KCNK7: variants seen among roughly 807,000 people sequenced by gnomAD.
The protein encoded by KCNK7 is potassium two pore domain channel subfamily K member 7.
In KCNK7, 14 loss-of-function variants were observed where a neutral mutation model predicts 18.1. That is an observed-to-expected ratio of 0.77 (90% CI 0.51 to 1.21). The LOEUF (loss-of-function observed/expected upper bound fraction) is 1.21, where lower values mean the gene tolerates loss of function less well. Ranked by LOEUF, KCNK7 falls within the 50% of genes most tolerant of loss-of-function variation. The pLI is 0.00. For synonymous variants in KCNK7, 188 were observed against 184.7 expected, an observed-to-expected ratio of 1.02 and a Z score of -0.15; for missense variants, 385 against 387.3, an observed-to-expected ratio of 0.99 and a Z score of 0.05.
rs764296236 is a variant in KCNK7, at chr11:65,595,474, G to C, written c.299C>G (p.Ala100Gly). Reference protein sequence around the residue: ...WDLPSALLFAASILTTTGYGH... With the variant: ...WDLPSALLFAGSILTTTGYGH... ...CTTACCTGTGGTGGTGAGGATGCTGGCAGCGAAGAGCAGGGCTGAGGGAAG... is the reference window on the plus strand; with the variant it reads ...CTTACCTGTGGTGGTGAGGATGCTGCCAGCGAAGAGCAGGGCTGAGGGAAG... Residue 100 changes from alanine (A) to glycine (G), a missense_variant, in exon 1 of 3, where the codon GCC (alanine) becomes GGC (glycine). By Grantham distance (60) the Ala-to-Gly change is moderately conservative. Coordinates refer to ENST00000340313, the MANE Select transcript of KCNK7 (RefSeq NM_033347.2). 6.9e-7 allele frequency: 1 copy of C among 1,456,764 alleles called. No individual in the cohort carries two copies. The highest frequency in any genetic ancestry group is 2.4e-5 in the East Asian group (1 of 42,400). The allele number at this position is 1,456,764 out of a possible 1,614,324, so 90.2% of individuals were successfully genotyped here. A position where few individuals can be genotyped will look rare whatever the true frequency, so the allele number is the denominator to read the frequency against.
chr11:65,593,398 C>T (rs1565138104), intron 2 of KCNK7, 78 bp downstream of exon 2: 1 of 1,613,822 alleles, frequency 6.2e-7, no homozygotes, highest in Non-Finnish European at 8.5e-7. Flanking sequence ...AAGGCCCAGC[C>T]CCCCAGTGAT....
intron 1 of KCNK7, among the ~76,000 whole-genome samples, chr11:65,594,744 C>G (rs1007281839): frequency 1.3e-5 from 2 of 152,022 alleles, no homozygotes; most frequent in Non-Finnish European, 2.9e-5. Flanking sequence ...GTGGTGCATG[C>G]CTGTAGTCCC....
In KCNK7 at chr11:65,593,164, G is replaced by T. The variant is rs1409316749; in HGVS notation, c.765C>A (p.Thr255=). The change falls in exon 3 of 3, where the codon ACC becomes ACA. Residue 255 remains threonine, a synonymous_variant. Coordinates refer to ENST00000340313, the MANE Select transcript of KCNK7 (RefSeq NM_033347.2). The part of the protein sequence containing the change: ...GLLAMLLAVE[T]FSELPQVRAM... Reference sequence around the variant, plus strand: ...CACGGACCTGCGGCAGCTCAGAGAAGGTCTCCACTGCCAGCAGCATGGCCA... The same window carrying T: ...CACGGACCTGCGGCAGCTCAGAGAATGTCTCCACTGCCAGCAGCATGGCCA... 6.2e-7 allele frequency: 1 copy of T among 1,613,696 alleles called. No homozygotes were observed. Among genetic ancestry groups the T allele is most frequent in the Non-Finnish European group, 8.5e-7 (1 of 1,179,840 alleles).
intron 2 of KCNK7, 113 bp from the exon 3 acceptor site, chr11:65,593,323 C>T: frequency 3.1e-6 from 5 of 1,613,942 alleles, no homozygotes; most frequent in African/African-American, 1.3e-5. Flanking sequence ...CTTCTCAACG[C>T]TGCCACCAGA....
At position 65,595,519 on chromosome 11, in the gene KCNK7, G is replaced by C. The variant is rs1854333675; in HGVS notation, c.254C>G (p.Ser85Ter). 2.6e-6 allele frequency: 4 copies of C among 1,551,450 alleles called. No homozygotes were observed. Among genetic ancestry groups the C allele is most frequent in the Non-Finnish European group, 3.5e-6 (4 of 1,140,564 alleles). The change falls in exon 1 of 3, where the codon TCA (serine) becomes TGA (stop). Residue 85 changes from serine (S) to a stop codon, truncating the protein, a stop_gained. Transcript: ENST00000340313. LOFTEE classifies it high-confidence loss of function. The part of the protein sequence containing the change: ...AHGVSTLGNS[S>*]EGRTWDLPSA... The stretch of plus-strand genomic sequence containing the variant: ...GGGAAGGTCCCAGGTCCTGCCCTCT[G>C]AGCTGTTGCCCAGGGTGGAGACCCC...
chr11:65,593,997 C>T, intron 1 of KCNK7, 123 bp from the exon 2 acceptor site: 3 of 1,060,180 alleles, frequency 2.8e-6, no homozygotes, highest in Non-Finnish European at 3.9e-6. Flanking sequence ...CTGGCCAGGC[C>T]CAGGTTCTAG....
At chr11:65,595,122 C>T (rs1247236398) in intron 1 of KCNK7, among the ~76,000 whole-genome samples, 1 of 152,202 alleles carries the variant, frequency 6.6e-6, no homozygotes, top group African/African-American at 2.4e-5. Context: ...CTGTCCTTCC[C>T]AGGTTCATTC....
At chr11:65,594,825 G>A (rs1030114399) in intron 1 of KCNK7, among the ~76,000 whole-genome samples, 3 of 151,482 alleles carry the variant, frequency 2.0e-5, no homozygotes, top group East Asian at 1.9e-4. Context: ...AGCCAAGATC[G>A]CACCACCGCA....
intron 2 of KCNK7, 117 bp downstream of exon 2, chr11:65,593,359 G>C: frequency 3.1e-6 from 5 of 1,613,846 alleles, no homozygotes; most frequent in Non-Finnish European, 4.2e-6. Flanking sequence ...CTCCCACGCC[G>C]TGCCCTGGAG....
In KCNK7 at chr11:65,592,848, G is replaced by A. The variant is rs186767215; in HGVS notation, c.*157C>T. ...GTCCCATTCGAAATAGTTGAAAATA[G>A]CCGAAGTCGTTGCTCATTTTATGAT... On this transcript the variant is annotated 3_prime_UTR_variant, in exon 3 of 3. Transcript: ENST00000340313. 14 of 881,420 alleles carry A rather than the reference G, an allele frequency of 1.6e-5. No individual in the cohort carries two copies. The African/African-American group carries it at 2.2e-4, about 14-fold the overall frequency. The allele number at this position is 881,420 out of a possible 1,614,324, so 54.6% of individuals were successfully genotyped here.
intron 1 of KCNK7, among the ~76,000 whole-genome samples, chr11:65,594,970 T>C (rs1360839137): frequency 6.6e-6 from 1 of 152,158 alleles, no homozygotes; most frequent in African/African-American, 2.4e-5. Flanking sequence ...GTCTCATTGC[T>C]GCTTTTCCCT....
chr11:65,593,184 T>G lies in KCNK7; in HGVS notation c.745A>C (p.Met249Leu), dbSNP rs374743370. 11 of 1,613,418 alleles carry G rather than the reference T, an allele frequency of 6.8e-6. No homozygotes were observed. The African/African-American group carries it at 1.5e-4, about 22-fold the overall frequency. Residue 249 changes from methionine (M) to leucine (L), a missense_variant, in exon 3 of 3, where the codon ATG becomes CTG. Physicochemically the swap from Met to Leu is conservative, Grantham distance 15. Transcript: ENST00000340313. ...GAGAAGGTCTCCACTGCCAGCAGCA[T>G]GGCCAAGAGTCCTAGAAGCAAGTAA... ...LGYLLLGLLA[M>L]LLAVETFSEL...
Position 65,593,529 on chromosome 11 carries a change from C to CT in KCNK7, c.664_665insA (p.Arg222GlnfsTer37). The stretch of plus-strand genomic sequence containing the variant: ...AATCACGGGGTGCAGGCTGCGGCCG[C>CT]GGCCGGGCAGCAAGTCCTCCAGGCC... On this transcript the variant is annotated frameshift_variant, in exon 2 of 3. Coordinates refer to ENST00000340313, the MANE Select transcript of KCNK7 (RefSeq NM_033347.2). LOFTEE classifies it high-confidence loss of function. 6 of 1,612,302 alleles carry CT rather than the reference C, an allele frequency of 3.7e-6. No homozygotes were observed. The highest frequency in any genetic ancestry group is 5.1e-6 in the Non-Finnish European group (6 of 1,180,024).
intron 1 of KCNK7, among the ~76,000 whole-genome samples, chr11:65,594,822 A>G: frequency 6.6e-6 from 1 of 151,946 alleles, no homozygotes; most frequent in African/African-American, 2.4e-5. Context: ...GTGAGCCAAG[A>G]TCGCACCACC....
Position 65,593,881 on chromosome 11 carries a change from A to T in KCNK7, c.320-7T>A. 6.6e-7 allele frequency: 1 copy of T among 1,521,272 alleles called. No individual in the cohort carries two copies. The highest frequency in any genetic ancestry group is 8.8e-7 in the Non-Finnish European group (1 of 1,136,122). 94.2% of individuals were successfully genotyped at this position (1,521,272 alleles called of 1,614,324 possible). On this transcript the variant is annotated splice_polypyrimidine_tract_variant and splice_region_variant and intron_variant, in intron 1 of 2. Transcript: ENST00000340313. Reference sequence around the variant, plus strand: ...GGGGCCATGTGGCCATAACCTGGAGAAGAGAGAGTCAGTGGACAGTGAGAG... The same window carrying T: ...GGGGCCATGTGGCCATAACCTGGAGTAGAGAGAGTCAGTGGACAGTGAGAG...
At chr11:65,593,965 G>A in intron 1 of KCNK7, 91 bp from the exon 2 acceptor site, 1 of 1,383,698 alleles carries the variant, frequency 7.2e-7, no homozygotes, top group Non-Finnish European at 9.5e-7. Flanking sequence ...TCCGCAGAAG[G>A]CTGCCCTCTG....
In KCNK7 at chr11:65,595,747, C is replaced by T. The variant is rs113822847; in HGVS notation, c.26G>A (p.Arg9Gln). Reference protein sequence around the residue: MGGLRPWSRYGLLVVAHLL... With the variant: MGGLRPWSQYGLLVVAHLL... ...GTGGGCCACAACCAGGAGCCCGTAT[C>T]GGGACCAGGGCCTTAGACCCCCCAT... The change falls in exon 1 of 3, where the codon CGA becomes CAA. Residue 9 changes from arginine to glutamine, a missense_variant. Arg to Gln is a conservative substitution (Grantham distance 43). Transcript: ENST00000340313. 2.2e-5 allele frequency: 34 copies of T among 1,564,716 alleles called. No homozygotes were observed. The East Asian group carries it at 2.3e-4, about 11-fold the overall frequency.
Position 65,593,456 on chromosome 11 carries a change from T to G in KCNK7, c.718+20A>C. On this transcript the variant is annotated intron_variant, in intron 2 of 2. Coordinates refer to ENST00000340313, the MANE Select transcript of KCNK7 (RefSeq NM_033347.2). ...TCCTCTTCCCCCTTCCCCCACACGC[T>G]GTTAGGTGGCTGGACTTACCAAGAA... 6.2e-7 allele frequency: 1 copy of G among 1,613,694 alleles called. No homozygotes were observed. The highest frequency in any genetic ancestry group is 8.5e-7 in the Non-Finnish European group (1 of 1,179,970).
rs759686817 is a variant in KCNK7, at chr11:65,593,871, T to C, written c.323A>G (p.Tyr108Cys). Residue 108 changes from tyrosine to cysteine, a missense_variant, in exon 2 of 3, where the codon TAT becomes TGT. Physicochemically the swap from Tyr to Cys is radical, Grantham distance 194. Coordinates refer to ENST00000340313, the MANE Select transcript of KCNK7 (RefSeq NM_033347.2). ...TGGCGATAGTGGGGCCATGTGGCCA[T>C]AACCTGGAGAAGAGAGAGTCAGTGG... ...FAASILTTTGYGHMAPLSPGG... is the reference protein window; with the variant it reads ...FAASILTTTGCGHMAPLSPGG... 9.8e-6 allele frequency: 15 copies of C among 1,527,738 alleles called. No individual in the cohort carries two copies. The Middle Eastern group carries it at 1.1e-3, about 107-fold the overall frequency. The allele number at this position is 1,527,738 out of a possible 1,614,324, so 94.6% of individuals were successfully genotyped here. A position where few individuals can be genotyped will look rare whatever the true frequency, so the allele number is the denominator to read the frequency against.
Sources: gnomAD v4.1 joint callset for allele counts (sites outside exome capture counted in the v4.1 genomes callset) on GRCh38, gnomAD v4.1.1 for gene constraint, MANE v1.5 for transcripts, NCBI Gene and HGNC (gene_info 2026-07-23, HGNC 2026-07-21) for gene names.